RBFOX1: variants seen among roughly 807,000 people sequenced by gnomAD.
RBFOX1 encodes RNA binding fox-1 homolog 1.
A neutral mutation model predicts 57.7 loss-of-function variants in RBFOX1; 8 were observed. That is an observed-to-expected ratio of 0.14 (90% CI 0.08 to 0.25). The LOEUF is 0.25. RBFOX1 is among the 10% of genes least tolerant of loss of function. The probability of loss-of-function intolerance (pLI) is 1.00; values close to 1 mark genes in which losing one functional copy is unlikely to be tolerated. For missense variants in RBFOX1, 611 were observed against 548.5 expected (o/e 1.11, Z -1.14); for synonymous variants, 326 against 222.4 (o/e 1.47, Z -4.15).
intron 4 of RBFOX1, among the ~76,000 whole-genome samples, chr16:7,165,941 C>CACACAA (rs1567535887): frequency 3.7e-5 from 2 of 54,132 alleles, no homozygotes; most frequent in Non-Finnish European, 6.1e-5. Flanking sequence ...CATACACACA[C>CACACAA]ACACACACAC....
At chr16:6,774,711 T>C (rs1372476786) in intron 3 of RBFOX1, among the ~76,000 whole-genome samples, 1 of 151,882 alleles carries the variant, frequency 6.6e-6, no homozygotes, top group African/African-American at 2.4e-5. Flanking sequence ...AGTATTATAA[T>C]TTTATAATAC....
At chr16:5,463,318 C>G (rs1339682767) in intron 1 of RBFOX1, among the ~76,000 whole-genome samples, 1 of 152,106 alleles carries the variant, frequency 6.6e-6, no homozygotes, top group Non-Finnish European at 1.5e-5. Flanking sequence ...AGCTCAGTGG[C>G]ATGAAGTGCG....
chr16:6,401,190 G>A (rs1185274591), intron 2 of RBFOX1, among the ~76,000 whole-genome samples: 1 of 152,166 alleles, frequency 6.6e-6, no homozygotes, highest in Non-Finnish European at 1.5e-5. Flanking sequence ...ATCAAAGAAT[G>A]ATGGGAGCAT....
chr16:5,782,945 T>A (rs558046326), intron 3 of RBFOX1, among the ~76,000 whole-genome samples: 1 of 152,170 alleles, frequency 6.6e-6, no homozygotes, highest in East Asian at 1.9e-4. Flanking sequence ...CCTCCATGGA[T>A]TGGATGACAT....
At chr16:7,082,561 C>CAA (rs781683633) in intron 4 of RBFOX1, among the ~76,000 whole-genome samples, 28 of 125,086 alleles carry the variant, frequency 2.2e-4, no homozygotes, top group African/African-American at 7.1e-4. Context: ...GACCATGTCT[C>CAA]AAAAAAAAAA....
intron 1 of RBFOX1, among the ~76,000 whole-genome samples, chr16:5,319,222 G>C (rs983298931): frequency 6.6e-6 from 1 of 152,174 alleles, no homozygotes; most frequent in Non-Finnish European, 1.5e-5. Flanking sequence ...ATAAGTACTT[G>C]ACCCACTTGT....
At chr16:7,332,688 G>C (rs760861676) in intron 4 of RBFOX1, 130 of 872,276 alleles carry the variant, frequency 1.5e-4, no homozygotes, top group Middle Eastern at 9.3e-4. Context: ...CTCTCTCTCT[G>C]AGAACTAAAT....
intron 1 of RBFOX1, among the ~76,000 whole-genome samples, chr16:6,182,736 T>C (rs1448142535): frequency 4.6e-5 from 7 of 152,182 alleles, no homozygotes; most frequent in Admixed American, 4.6e-4. Context: ...AGGAACGCTG[T>C]AGTTAAATAG....
At chr16:6,747,476 T>TGTCTGTC (rs1414362121) in intron 3 of RBFOX1, among the ~76,000 whole-genome samples, 17,172 of 137,066 alleles carry the variant, frequency 0.13, 1,165 homozygotes, top group South Asian at 0.31. Flanking sequence ...GTCTGTCTGT[T>TGTCTGTC]TATCTATCTG....
In RBFOX1 at chr16:6,405,971, G is replaced by A. The variant is rs1264386167; in HGVS notation, c.-64+88914G>A. The stretch of plus-strand genomic sequence containing the variant: ...GGATACACATATTCCTACCTTGGAT[G>A]CTCACATACTGTGTGCAGGAAGGTG... On this transcript the variant is annotated intron_variant, in intron 2 of 15. Transcript: ENST00000550418. Among the ~76,000 whole-genome samples, 5 of 152,288 alleles carry A rather than the reference G, an allele frequency of 3.3e-5. No homozygotes were observed. In the East Asian group the frequency reaches 9.7e-4, roughly 29 times the overall value.
rs1597026224 is a variant in RBFOX1 at position 5,428,880 on chromosome 16, C to G, written c.220-38336C>G. Among the ~76,000 whole-genome samples, 3 of 152,130 alleles carry G rather than the reference C, an allele frequency of 2.0e-5. No homozygotes were observed. The East Asian group carries it at 5.8e-4, about 29-fold the overall frequency. ...TATGGAAGCCTTTTTTTCCATAGGACAGTCACTGTTTTGTTCAAATATTTA... is the reference window on the plus strand; with the variant it reads ...TATGGAAGCCTTTTTTTCCATAGGAGAGTCACTGTTTTGTTCAAATATTTA... On this transcript the variant is annotated intron_variant, in intron 1 of 2. Coordinates refer to the RBFOX1 transcript ENST00000585867.
chr16:6,631,317 T>C (rs1313522547), intron 2 of RBFOX1, among the ~76,000 whole-genome samples: 1 of 152,050 alleles, frequency 6.6e-6, no homozygotes, highest in Non-Finnish European at 1.5e-5. Flanking sequence ...GAGATGCATT[T>C]TAATGCATAT....
intron 4 of RBFOX1, among the ~76,000 whole-genome samples, chr16:7,069,656 A>C (rs2056909641): frequency 6.6e-6 from 1 of 152,180 alleles, no homozygotes; most frequent in Admixed American, 6.5e-5. Context: ...AACTGAGGAT[A>C]AATGGGGACT....
intron 4 of RBFOX1, among the ~76,000 whole-genome samples, chr16:7,368,474 A>G (rs1193987533): frequency 1.3e-5 from 2 of 151,794 alleles, no homozygotes; most frequent in African/African-American, 4.8e-5. Flanking sequence ...CCTTAGTCTT[A>G]ATTCACTTTA....
intron 1 of RBFOX1, among the ~76,000 whole-genome samples, chr16:5,321,350 C>T (rs763397449): frequency 2.7e-5 from 4 of 149,954 alleles, no homozygotes; most frequent in Non-Finnish European, 3.0e-5. Context: ...GATGGAGTCT[C>T]GCTTTGTCAC....
chr16:7,347,875 G>T (rs934364495), intron 4 of RBFOX1, among the ~76,000 whole-genome samples: 10 of 152,140 alleles, frequency 6.6e-5, no homozygotes, highest in Non-Finnish European at 1.5e-4. Flanking sequence ...TCCGAGACAG[G>T]CGTCTTGCAG....
intron 4 of RBFOX1, among the ~76,000 whole-genome samples, chr16:7,516,308 G>T (rs73484433): frequency 1.5e-3 from 234 of 152,140 alleles, no homozygotes; most frequent in African/African-American, 5.4e-3. Flanking sequence ...AGATAGATGT[G>T]CATGAACGCA....
intron 2 of RBFOX1, among the ~76,000 whole-genome samples, chr16:6,571,002 A>G (rs776345818): frequency 6.6e-6 from 1 of 151,796 alleles, no homozygotes; most frequent in Non-Finnish European, 1.5e-5. Context: ...CTAAATATAG[A>G]CTCCTGTGGA....
chr16:6,481,905 C>G (rs991795355), intron 2 of RBFOX1, among the ~76,000 whole-genome samples: 1 of 152,046 alleles, frequency 6.6e-6, no homozygotes, highest in Non-Finnish European at 1.5e-5. Flanking sequence ...ATTAAAAACA[C>G]TCTTAATGCA....
Sources: gnomAD v4.1 joint callset for allele counts (sites outside exome capture counted in the v4.1 genomes callset) on GRCh38, gnomAD v4.1.1 for gene constraint, MANE v1.5 for transcripts, NCBI Gene and HGNC (gene_info 2026-07-23, HGNC 2026-07-21) for gene names.